EFCAB6: variants seen among roughly 807,000 people sequenced by gnomAD.
EFCAB6 encodes EF-hand calcium binding domain 6, also known as EF-hand calcium-binding domain-containing protein 6.
In EFCAB6, 156 loss-of-function variants were observed where a neutral mutation model predicts 169.8. That is an observed-to-expected ratio of 0.92 (90% CI 0.81 to 1.05). The LOEUF is 1.05. Among genes scored for constraint, EFCAB6 ranks in the 50% least tolerant of loss-of-function variants. EFCAB6 has a pLI of 0.00. For missense variants in EFCAB6, 1,800 were observed against 1,829.1 expected, an observed-to-expected ratio of 0.98 and a Z score of 0.29; for synonymous variants, 698 against 676.4, an observed-to-expected ratio of 1.03 and a Z score of -0.50.
intron 27 of EFCAB6, among the ~76,000 whole-genome samples, chr22:43,544,350 C>G (rs2147100512): frequency 6.6e-6 from 1 of 152,198 alleles, no homozygotes; most frequent in South Asian, 2.1e-4. Flanking sequence ...CCTATCCAGG[C>G]CACCCCTCCT....
At chr22:43,749,820 G>A (rs2060692239) in intron 6 of EFCAB6, among the ~76,000 whole-genome samples, 1 of 152,168 alleles carries the variant, frequency 6.6e-6, no homozygotes, top group African/African-American at 2.4e-5. Context: ...TCCTAATTTT[G>A]TTGAGTAACT....
chr22:43,799,713 C>T (rs934072913), intron 2 of EFCAB6, among the ~76,000 whole-genome samples: 13 of 152,142 alleles, frequency 8.5e-5, no homozygotes, highest in African/African-American at 3.1e-4. Context: ...ACCTGAAAAC[C>T]AAAGTAAATA....
At chr22:43,596,394 G>T (rs1441722206) in intron 23 of EFCAB6, among the ~76,000 whole-genome samples, 1 of 151,916 alleles carries the variant, frequency 6.6e-6, no homozygotes, top group Non-Finnish European at 1.5e-5. Context: ...AACAAATTCA[G>T]TAAAGTTTTA....
rs781137865 is a variant in EFCAB6, at chr22:43,735,903, C to A, written c.598G>T (p.Val200Phe). ...AACTTCATACAGAAGGTCTCCAGAACCCTTCTTAGCTCCTGCGGTCGAACC... is the reference window on the plus strand; with the variant it reads ...AACTTCATACAGAAGGTCTCCAGAAACCTTCTTAGCTCCTGCGGTCGAACC... ...GLVRPQELRR[V>F]LETFCMKLRD... The change falls in exon 7 of 32, where the codon GTT becomes TTT. Residue 200 changes from valine to phenylalanine, a missense_variant. Val to Phe is a conservative substitution (Grantham distance 50). Transcript: ENST00000262726. 3.1e-6 allele frequency: 5 copies of A among 1,614,168 alleles called. No homozygotes were observed. In the South Asian group the frequency reaches 5.5e-5, roughly 18 times the overall value.
intron 12 of EFCAB6, among the ~76,000 whole-genome samples, chr22:43,679,292 T>C (rs975366923): frequency 6.6e-6 from 1 of 152,232 alleles, no homozygotes; most frequent in African/African-American, 2.4e-5. Flanking sequence ...ACATAGTGTT[T>C]TTGAGGCTCA....
chr22:43,667,285 G>T lies in EFCAB6; in HGVS notation c.1815-13C>A. ...CGTGAGCTTGGTTCTAAAATCACAA[G>T]CAGGCATTTAGACCCAGTGTCAACT... is the stretch of plus-strand genomic sequence containing the variant. On this transcript the variant is annotated splice_polypyrimidine_tract_variant and intron_variant, in intron 16 of 31. Transcript: ENST00000262726. 6.2e-7 allele frequency: 1 copy of T among 1,612,354 alleles called. No homozygotes were observed. Among genetic ancestry groups the T allele is most frequent in the Non-Finnish European group, 8.5e-7 (1 of 1,179,060 alleles).
At chr22:43,571,566 G>A (rs1278344596) in intron 26 of EFCAB6, among the ~76,000 whole-genome samples, 3 of 152,118 alleles carry the variant, frequency 2.0e-5, no homozygotes, top group African/African-American at 7.2e-5. Flanking sequence ...TGCAGTCTGG[G>A]GTTCTTCCCC....
Position 43,667,287 on chromosome 22 carries a change from A to ATAC in EFCAB6, c.1815-16_1815-15insGTA. 1 of 1,612,574 alleles carries ATAC rather than the reference A, an allele frequency of 6.2e-7. No individual in the cohort carries two copies. Among genetic ancestry groups the ATAC allele is most frequent in the Non-Finnish European group, 8.5e-7 (1 of 1,179,158 alleles). ...TGAGCTTGGTTCTAAAATCACAAGC[A>ATAC]GGCATTTAGACCCAGTGTCAACTGA... is the stretch of plus-strand genomic sequence containing the variant. On this transcript the variant is annotated splice_polypyrimidine_tract_variant and intron_variant, in intron 16 of 31. Coordinates refer to ENST00000262726, the MANE Select transcript of EFCAB6 (RefSeq NM_022785.4).
intron 26 of EFCAB6, among the ~76,000 whole-genome samples, chr22:43,564,264 A>C (rs577601246): frequency 6.6e-6 from 1 of 151,984 alleles, no homozygotes; most frequent in Admixed American, 6.6e-5. Context: ...CCTGGCCAAC[A>C]TGGCGAAACC....
At chr22:43,667,030 C>A in intron 17 of EFCAB6, 74 bp downstream of exon 17, 4 of 1,519,266 alleles carry the variant, frequency 2.6e-6, no homozygotes, top group Non-Finnish European at 3.6e-6. Flanking sequence ...AGCCATTGTC[C>A]TTTAAAGTAT....
chr22:43,802,839 TA>T, intron 2 of EFCAB6: 1 of 412,594 alleles, frequency 2.4e-6, no homozygotes, highest in Admixed American at 2.7e-5. Flanking sequence ...ATACTATTTT[TA>T]ATCAAGTTTT....
intron 13 of EFCAB6, among the ~76,000 whole-genome samples, chr22:43,673,605 C>A (rs2057590049): frequency 6.6e-6 from 1 of 152,016 alleles, no homozygotes; most frequent in South Asian, 2.1e-4. Context: ...GTGAAACCAA[C>A]CCCGTCTCTA....
chr22:43,573,892 C>A (rs1470365717), intron 26 of EFCAB6, among the ~76,000 whole-genome samples: 1 of 152,112 alleles, frequency 6.6e-6, no homozygotes, highest in Non-Finnish European at 1.5e-5. Context: ...CAGCTTAAAT[C>A]ATATGAAATT....
chr22:43,540,750 T>C lies in EFCAB6; in HGVS notation c.3649-393A>G, dbSNP rs545181979. Among the ~76,000 whole-genome samples, 22 of 152,304 alleles carry C rather than the reference T, an allele frequency of 1.4e-4. No individual in the cohort carries two copies. The East Asian group carries it at 4.2e-3, about 29-fold the overall frequency. On this transcript the variant is annotated intron_variant, in intron 27 of 31. Transcript: ENST00000262726. ...AGGGAAGCCCAGTCAGACTCATTTC[T>C]CACCCTTCCAGGTACACCTGAGTTC...
At position 43,627,827 on chromosome 22, in the gene EFCAB6, T is replaced by C. The variant is rs138963240; in HGVS notation, c.2233-1148A>G. On this transcript the variant is annotated intron_variant, in intron 19 of 31. Coordinates refer to ENST00000262726, the MANE Select transcript of EFCAB6 (RefSeq NM_022785.4). ...CTGTGACTCAAGTTCCTCATGCAAG[T>C]GTGTGGGGATTTTGTGGAAAGCTCT... Among the ~76,000 whole-genome samples the C allele has an allele frequency of 2.6e-3, 391 of 152,314 alleles. 2 individuals carry two copies. The highest frequency in any genetic ancestry group is 4.1e-3 in the Non-Finnish European group (282 of 68,034).
At chr22:43,624,750 T>C (rs2054377732) in intron 20 of EFCAB6, among the ~76,000 whole-genome samples, 1 of 152,224 alleles carries the variant, frequency 6.6e-6, no homozygotes, top group Non-Finnish European at 1.5e-5. Flanking sequence ...CTGGGTCTTA[T>C]TCACTGTTGT....
chr22:43,582,538 T>C (rs1004814381), intron 24 of EFCAB6, among the ~76,000 whole-genome samples: 5 of 152,242 alleles, frequency 3.3e-5, no homozygotes, highest in African/African-American at 1.2e-4. Context: ...ATTTACTTCC[T>C]GTCCACCCAT....
intron 2 of EFCAB6, among the ~76,000 whole-genome samples, chr22:43,806,896 CAA>C (rs2062941142): frequency 6.6e-6 from 1 of 151,942 alleles, no homozygotes; most frequent in African/African-American, 2.4e-5. Context: ...AGAAAAGAAC[CAA>C]AAGATAAAAG....
At chr22:43,643,151 C>T (rs1057203667) in intron 17 of EFCAB6, among the ~76,000 whole-genome samples, 9 of 152,180 alleles carry the variant, frequency 5.9e-5, no homozygotes, top group African/African-American at 1.9e-4. Flanking sequence ...CCAGGGGCCG[C>T]CCCAGGACTG....
Sources: allele counts gnomAD v4.1 joint callset (sites outside exome capture counted in the v4.1 genomes callset), GRCh38; gene constraint gnomAD v4.1.1; transcripts MANE v1.5; gene names NCBI Gene and HGNC (gene_info 2026-07-23, HGNC 2026-07-21).